TTC21B: variants seen among roughly 807,000 people sequenced by gnomAD.
TTC21B encodes tetratricopeptide repeat protein 21B.
In TTC21B, 127 loss-of-function variants were observed where a neutral mutation model predicts 175.1. The ratio of observed to expected loss-of-function variants is 0.73; its 90% CI spans 0.63 to 0.84. The LOEUF (loss-of-function observed/expected upper bound fraction) is 0.84, where lower values mean the gene tolerates loss of function less well. Ranked by LOEUF, TTC21B falls within the 40% of genes least tolerant of loss-of-function variation. The probability of loss-of-function intolerance (pLI) is 0.00; values close to 1 mark genes in which losing one functional copy is unlikely to be tolerated. For synonymous variants in TTC21B, 524 were observed against 524.5 expected (o/e 1.00, Z 0.01); for missense variants, 1,561 against 1,558.3 (o/e 1.00, Z -0.03).
At chr2:165,938,534 C>T (rs1687248378) in intron 6 of TTC21B, among the ~76,000 whole-genome samples, 2 of 152,184 alleles carry the variant, frequency 1.3e-5, no homozygotes, top group African/African-American at 4.8e-5. Flanking sequence ...TTTAACCAAA[C>T]CTCTAGATCC....
chr2:165,920,590 T>C (rs1686352664), intron 12 of TTC21B, among the ~76,000 whole-genome samples: 1 of 152,028 alleles, frequency 6.6e-6, no homozygotes, highest in Admixed American at 6.6e-5. Context: ...ACTAAGGCGA[T>C]AATTTGAAGA....
At position 165,901,780 on chromosome 2, in the gene TTC21B, T is replaced by C. The variant is rs766007738; in HGVS notation, c.2699A>G (p.Tyr900Cys). The C allele has an allele frequency of 1.2e-6, 2 of 1,614,068 alleles. No individual in the cohort carries two copies. Among genetic ancestry groups the C allele is most frequent in the South Asian group, 1.1e-5 (1 of 91,092 alleles). Residue 900 changes from tyrosine (Y) to cysteine (C), a missense_variant, in exon 20 of 29, where the codon TAT becomes TGT. By Grantham distance (194) the Tyr-to-Cys change is radical. Coordinates refer to ENST00000243344, the MANE Select transcript of TTC21B (RefSeq NM_024753.5). Reference protein sequence around the residue: ...IAKHSVAQRDYEKAIKFYREA... With the variant: ...IAKHSVAQRDCEKAIKFYREA... ...TCTATAAAACTTAATTGCTTTTTCA[T>C]AGTCTCGCTGAGCAACAGAATGTTT... is the stretch of plus-strand genomic sequence containing the variant.
chr2:165,924,755 A>G (rs997333891), intron 11 of TTC21B, 77 bp from the exon 12 acceptor site: 63 of 1,475,528 alleles, frequency 4.3e-5, no homozygotes, highest in Admixed American at 2.0e-4. Context: ...TATTAATTTT[A>G]GTATAACTAA....
intron 18 of TTC21B, among the ~76,000 whole-genome samples, chr2:165,908,082 A>G (rs754430372): frequency 4.6e-5 from 7 of 152,200 alleles, no homozygotes; most frequent in Non-Finnish European, 1.0e-4. Context: ...TTTATTCTTA[A>G]GTGTATAAAA....
intron 25 of TTC21B, among the ~76,000 whole-genome samples, chr2:165,887,156 A>G (rs1436983995): frequency 6.6e-6 from 1 of 152,166 alleles, no homozygotes; most frequent in Non-Finnish European, 1.5e-5. Context: ...GAAAGAGATC[A>G]CTGTCCAGGG....
chr2:165,928,441 CA>C (rs1219955911), intron 11 of TTC21B, among the ~76,000 whole-genome samples: 2 of 152,056 alleles, frequency 1.3e-5, no homozygotes, highest in African/African-American at 4.8e-5. Flanking sequence ...CTAGTTCTTG[CA>C]GGTCAAATCC....
intron 19 of TTC21B, among the ~76,000 whole-genome samples, chr2:165,906,500 A>C (rs1685739187): frequency 6.6e-6 from 1 of 152,132 alleles, no homozygotes; most frequent in African/African-American, 2.4e-5. Context: ...ATAATAAACA[A>C]GTTTATGTTA....
chr2:165,924,521 G>C (rs765224011), intron 12 of TTC21B, 28 bp downstream of exon 12: 1 of 1,606,624 alleles, frequency 6.2e-7, no homozygotes, highest in Non-Finnish European at 8.5e-7. Flanking sequence ...AGAATAAAAA[G>C]GTTAAAAGTT....
At chr2:165,920,244 A>C (rs1226504665) in intron 12 of TTC21B, among the ~76,000 whole-genome samples, 5 of 152,194 alleles carry the variant, frequency 3.3e-5, no homozygotes, top group African/African-American at 1.2e-4. Context: ...TGTGGGAAGA[A>C]GAGAGCCTAA....
intron 1 of TTC21B, among the ~76,000 whole-genome samples, 188 bp downstream of exon 1, chr2:165,953,497 C>T (rs1687823596): frequency 6.6e-6 from 1 of 152,228 alleles, no homozygotes. Flanking sequence ...GCTTCCCCAG[C>T]AGGGCCCGCG....
chr2:165,913,249 C>T (rs1340575755), intron 16 of TTC21B, among the ~76,000 whole-genome samples: 1 of 152,116 alleles, frequency 6.6e-6, no homozygotes, highest in Non-Finnish European at 1.5e-5. Context: ...TGGTCTTGAA[C>T]TCTTGATCTC....
At position 165,907,803 on chromosome 2, in the gene TTC21B, T is replaced by C. The variant is rs146509360; in HGVS notation, c.2462-19A>G. ...TCATTTACTATGAAAGAATGGAATG[T>C]AATGCAAAAAATTATTCATCTTAAA... On this transcript the variant is annotated intron_variant, in intron 18 of 28. Coordinates refer to ENST00000243344, the MANE Select transcript of TTC21B (RefSeq NM_024753.5). 1.3e-6 allele frequency: 2 copies of C among 1,504,170 alleles called. No individual in the cohort carries two copies. The highest frequency in any genetic ancestry group is 1.4e-5 in the African/African-American group (1 of 72,760). 93.2% of individuals were successfully genotyped at this position (1,504,170 alleles called of 1,614,324 possible).
At chr2:165,887,658 G>A (rs997961225) in intron 25 of TTC21B, among the ~76,000 whole-genome samples, 1 of 152,010 alleles carries the variant, frequency 6.6e-6, no homozygotes, top group Admixed American at 6.6e-5. Context: ...TTGCACTCCA[G>A]CCTGGGCGAC....
chr2:165,939,854 T>C (rs1251391565), intron 6 of TTC21B, among the ~76,000 whole-genome samples: 1 of 152,170 alleles, frequency 6.6e-6, no homozygotes, highest in East Asian at 1.9e-4. Context: ...GCACAGACTC[T>C]GGGACTAGAG....
chr2:165,931,904 C>G, intron 7 of TTC21B, 48 bp from the exon 8 acceptor site: 3 of 1,214,106 alleles, frequency 2.5e-6, no homozygotes, highest in Non-Finnish European at 3.7e-6. Flanking sequence ...TAAGTAAAAA[C>G]AACATAATAC....
At chr2:165,923,140 C>G (rs1686480272) in intron 12 of TTC21B, among the ~76,000 whole-genome samples, 1 of 152,046 alleles carries the variant, frequency 6.6e-6, no homozygotes, top group Non-Finnish European at 1.5e-5. Context: ...GTACAATGCA[C>G]ACTACTCATG....
At chr2:165,923,500 G>A (rs1181741622) in intron 12 of TTC21B, among the ~76,000 whole-genome samples, 1 of 147,508 alleles carries the variant, frequency 6.8e-6, no homozygotes, top group Non-Finnish European at 1.5e-5. Context: ...AGGCTGGAGT[G>A]CAGTGGCACG....
chr2:165,877,160 T>C (rs1320976246), intron 27 of TTC21B, among the ~76,000 whole-genome samples: 1 of 152,194 alleles, frequency 6.6e-6, no homozygotes, highest in African/African-American at 2.4e-5. Context: ...TAATGCAATG[T>C]AAAATAATGT....
chr2:165,890,765 A>G, intron 23 of TTC21B, 73 bp downstream of exon 23: 2 of 1,556,436 alleles, frequency 1.3e-6, no homozygotes, highest in Non-Finnish European at 8.8e-7. Flanking sequence ...TTTTACTACA[A>G]AGAAAAGCTT....
Sources: gnomAD v4.1 joint callset for allele counts (sites outside exome capture counted in the v4.1 genomes callset) on GRCh38, gnomAD v4.1.1 for gene constraint, MANE v1.5 for transcripts, NCBI Gene and HGNC (gene_info 2026-07-23, HGNC 2026-07-21) for gene names.